Variants in FGGY observed in about 807,000 individuals in gnomAD.
FGGY encodes FGGY carbohydrate kinase domain-containing protein.
In FGGY, 72 loss-of-function variants were observed where a neutral mutation model predicts 71.3. The observed-to-expected ratio is 1.01, with a 90% CI of 0.84 to 1.23. The LOEUF is 1.23. Ranked by LOEUF, FGGY falls within the 50% of genes most tolerant of loss-of-function variation. The pLI is 0.00. For missense variants in FGGY, 668 were observed against 682.3 expected, an observed-to-expected ratio of 0.98 and a Z score of 0.23; for synonymous variants, 251 against 250.3, an observed-to-expected ratio of 1.00 and a Z score of -0.02.
chr1:59,318,424 C>T (rs551350659), intron 1 of FGGY, among the ~76,000 whole-genome samples: 22 of 152,326 alleles, frequency 1.4e-4, no homozygotes, highest in South Asian at 2.1e-4. Flanking sequence ...GTAATCATAC[C>T]GCTCCATTCT....
chr1:59,457,722 C>T (rs142587143), intron 6 of FGGY, among the ~76,000 whole-genome samples: 10 of 151,938 alleles, frequency 6.6e-5, no homozygotes, highest in East Asian at 3.9e-4. Flanking sequence ...GTCAGTACTA[C>T]GAAAATAATT....
At chr1:59,736,868 T>C (rs1211221191) in intron 14 of FGGY, among the ~76,000 whole-genome samples, 1 of 152,200 alleles carries the variant, frequency 6.6e-6, no homozygotes, top group East Asian at 1.9e-4. Flanking sequence ...GGGGAAAATG[T>C]CTCCAGGCCA....
intron 10 of FGGY, among the ~76,000 whole-genome samples, chr1:59,631,863 G>A (rs1179800052): frequency 1.3e-5 from 2 of 152,254 alleles, no homozygotes; most frequent in Middle Eastern, 6.8e-3. Context: ...GGCCAAATTT[G>A]CAGATATTTC....
At chr1:59,658,020 A>T (rs1355375210) in intron 11 of FGGY, among the ~76,000 whole-genome samples, 1 of 152,204 alleles carries the variant, frequency 6.6e-6, no homozygotes, top group East Asian at 1.9e-4. Context: ...GGTGTCTAAA[A>T]GGTGAAAAGA....
chr1:59,330,907 G>C (rs1040934145), intron 2 of FGGY, among the ~76,000 whole-genome samples: 2 of 152,046 alleles, frequency 1.3e-5, no homozygotes, highest in Non-Finnish European at 2.9e-5. Context: ...ATGGCTGGCA[G>C]AGAAGAAACT....
intron 8 of FGGY, among the ~76,000 whole-genome samples, chr1:59,575,995 C>A (rs1460392731): frequency 6.6e-6 from 1 of 152,104 alleles, no homozygotes; most frequent in Admixed American, 6.5e-5. Flanking sequence ...CTCTTCCCTT[C>A]TTTATATCTT....
At chr1:59,630,373 G>A (rs891731562) in intron 10 of FGGY, among the ~76,000 whole-genome samples, 2 of 152,134 alleles carry the variant, frequency 1.3e-5, no homozygotes, top group Admixed American at 1.3e-4. Flanking sequence ...GCATACGTCA[G>A]TCATTCATAC....
chr1:59,611,767 T>A (rs143933923), intron 9 of FGGY, among the ~76,000 whole-genome samples: 9 of 152,106 alleles, frequency 5.9e-5, no homozygotes, highest in African/African-American at 2.2e-4. Context: ...ATTAGATGAA[T>A]GTCTAACTAG....
At chr1:59,652,703 C>G (rs1172882604) in intron 11 of FGGY, among the ~76,000 whole-genome samples, 1 of 148,512 alleles carries the variant, frequency 6.7e-6, no homozygotes, top group Non-Finnish European at 1.5e-5. Context: ...TTTGAATGTC[C>G]TCCCGTAGCT....
intron 4 of FGGY, among the ~76,000 whole-genome samples, chr1:59,373,429 A>G (rs2058073121): frequency 6.6e-6 from 1 of 152,228 alleles, no homozygotes; most frequent in African/African-American, 2.4e-5. Flanking sequence ...ATGGAAGAAC[A>G]TTCCATGCTC....
At chr1:59,592,196 A>G (rs563643100) in intron 8 of FGGY, among the ~76,000 whole-genome samples, 1 of 152,352 alleles carries the variant, frequency 6.6e-6, no homozygotes, top group East Asian at 1.9e-4. Context: ...GCTCACCATC[A>G]CTGGCCATCA....
intron 12 of FGGY, among the ~76,000 whole-genome samples, chr1:59,665,794 C>T (rs1002746291): frequency 1.3e-5 from 2 of 152,058 alleles, no homozygotes; most frequent in African/African-American, 4.8e-5. Flanking sequence ...CTGCCTCAGC[C>T]TCCCAAGTAG....
At chr1:59,364,860 A>G (rs1336584819) in intron 4 of FGGY, among the ~76,000 whole-genome samples, 3 of 152,242 alleles carry the variant, frequency 2.0e-5, no homozygotes, top group African/African-American at 7.2e-5. Context: ...ATACAGGGTG[A>G]TGAGGTGGGC....
In FGGY at chr1:59,403,767, A is replaced by G. The variant is rs551391649; in HGVS notation, c.554+24930A>G. Among the ~76,000 whole-genome samples the G allele has an allele frequency of 2.4e-4, 36 of 152,326 alleles. No homozygotes were observed. In the East Asian group the frequency reaches 6.8e-3, roughly 29 times the overall value. On this transcript the variant is annotated intron_variant, in intron 5 of 15. Transcript: ENST00000303721. ...GTGCTTTACTCAGGCTTTGGGCTTAAGGAGTGTTTCTGATGTGGGCTCTGG... is the reference window on the plus strand; with the variant it reads ...GTGCTTTACTCAGGCTTTGGGCTTAGGGAGTGTTTCTGATGTGGGCTCTGG...
Position 59,651,512 on chromosome 1 carries a change from T to C in FGGY, c.1222-8707T>C, listed in dbSNP as rs1466677720. The stretch of plus-strand genomic sequence containing the variant: ...ATCCCTTTACCATTATGTAATGGCC[T>C]TCTTTGTCTCTTTTGATCTTTGTTG... On this transcript the variant is annotated intron_variant, in intron 11 of 15. Coordinates refer to ENST00000303721, the MANE Select transcript of FGGY (RefSeq NM_018291.5). 3.5e-4 allele frequency among the ~76,000 whole-genome samples: 51 copies of C among 146,558 alleles called. 1 individual carries two copies. Among genetic ancestry groups the C allele is most frequent in the African/African-American group, 1.2e-3 (47 of 38,378 alleles).
At chr1:59,461,362 G>A (rs7536739) in intron 6 of FGGY, among the ~76,000 whole-genome samples, 6,491 of 152,178 alleles carry the variant, frequency 0.043, 460 homozygotes, top group African/African-American at 0.15. Flanking sequence ...AAGAAGAGAA[G>A]TTTAGAGAAA....
intron 7 of FGGY, among the ~76,000 whole-genome samples, chr1:59,525,450 A>C (rs2094951503): frequency 6.6e-6 from 1 of 152,218 alleles, no homozygotes; most frequent in Non-Finnish European, 1.5e-5. Flanking sequence ...TTCATGCCTC[A>C]GTTCCCCCAT....
chr1:59,341,198 C>A (rs2153203575), intron 3 of FGGY, among the ~76,000 whole-genome samples: 1 of 152,286 alleles, frequency 6.6e-6, no homozygotes, highest in African/African-American at 2.4e-5. Flanking sequence ...GTTTTCTTCT[C>A]TGAAAGAATT....
chr1:59,665,894 C>T (rs185418406), intron 12 of FGGY, among the ~76,000 whole-genome samples: 2 of 152,204 alleles, frequency 1.3e-5, no homozygotes, highest in East Asian at 3.9e-4. Flanking sequence ...AGGATGGTCC[C>T]GATCTCCTGA....
Sources: allele counts gnomAD v4.1 joint callset (sites outside exome capture counted in the v4.1 genomes callset), GRCh38; gene constraint gnomAD v4.1.1; transcripts MANE v1.5; gene names NCBI Gene and HGNC (gene_info 2026-07-23, HGNC 2026-07-21).